Variants in SLC39A14 observed in about 807,000 individuals in gnomAD.
SLC39A14 encodes solute carrier family 39 member 14.
A neutral mutation model predicts 45.5 loss-of-function variants in SLC39A14; 19 were observed. The observed-to-expected ratio is 0.42, with a 90% CI of 0.29 to 0.61. The LOEUF (loss-of-function observed/expected upper bound fraction) is 0.61, where lower values mean the gene tolerates loss of function less well. Among genes scored for constraint, SLC39A14 ranks in the 20% least tolerant of loss-of-function variants. The pLI, the probability that SLC39A14 is intolerant of heterozygous loss-of-function variation, is 0.22. For missense variants in SLC39A14, 447 were observed against 616.5 expected (o/e 0.73, Z 2.91); for synonymous variants, 264 against 251.3 (o/e 1.05, Z -0.48).
intron 2 of SLC39A14, among the ~76,000 whole-genome samples, chr8:22,407,553 G>T (rs1019084215): frequency 1.9e-4 from 29 of 152,084 alleles, no homozygotes; most frequent in Non-Finnish European, 1.2e-4. Flanking sequence ...TAGAGATGGG[G>T]CTTCAACATG....
At position 22,419,621 on chromosome 8, in the gene SLC39A14, C is replaced by T; in HGVS notation, c.1402C>T (p.Gln468Ter). ...KGSILIPFII[Q>*]NLGLLTGFTI... ...CAGCATCTTGATTCCATTTATCATC[C>T]AGAACCTGGGCCTCCTGACTGGATT... The change falls in exon 9 of 9, where the codon CAG (glutamine) becomes TAG (stop). Residue 468 changes from glutamine (Q) to a stop codon, truncating the protein, a stop_gained. Coordinates refer to ENST00000381237, the MANE Select transcript of SLC39A14 (RefSeq NM_001128431.4). LOFTEE classifies it high-confidence loss of function. 1 of 1,614,128 alleles carries T rather than the reference C, an allele frequency of 6.2e-7. No homozygotes were observed. Among genetic ancestry groups the T allele is most frequent in the Non-Finnish European group, 8.5e-7 (1 of 1,180,004 alleles).
chr8:22,411,019 C>T (rs568201795), intron 3 of SLC39A14, among the ~76,000 whole-genome samples: 1 of 152,346 alleles, frequency 6.6e-6, no homozygotes, highest in South Asian at 2.1e-4. Context: ...CTTGCCTGTT[C>T]TTCCTGGTTG....
At chr8:22,390,716 T>C (rs1438552463) in intron 1 of SLC39A14, 1 of 152,484 alleles carries the variant, frequency 6.6e-6, no homozygotes, top group Non-Finnish European at 1.5e-5. Context: ...TTTTTAACTT[T>C]TTTTTTTTAA....
chr8:22,371,858 C>T (rs1002847008), intron 1 of SLC39A14, among the ~76,000 whole-genome samples: 3 of 151,640 alleles, frequency 2.0e-5, no homozygotes, highest in Admixed American at 6.6e-5. Context: ...CATTCTCCTG[C>T]CTCAGCTTCC....
At chr8:22,411,823 G>T (rs995774123) in intron 3 of SLC39A14, 18 of 554,770 alleles carry the variant, frequency 3.2e-5, no homozygotes, top group Admixed American at 1.2e-4. Flanking sequence ...AATTTCATCA[G>T]ATGTGAATCA....
At position 22,421,699 on chromosome 8, in the gene SLC39A14, G is replaced by A. The variant is rs1836238066; in HGVS notation, c.*2001G>A. Reference sequence around the variant, plus strand: ...TTGCTTTAACCTAACTCGCATTGATGTATTAAATTTATAATTTTAGCATTC... The same window carrying A: ...TTGCTTTAACCTAACTCGCATTGATATATTAAATTTATAATTTTAGCATTC... On this transcript the variant is annotated 3_prime_UTR_variant, in exon 9 of 9. Transcript: ENST00000381237. 3 of 984,460 alleles carry A rather than the reference G, an allele frequency of 3.0e-6. No homozygotes were observed. The allele number at this position is 984,460 out of a possible 1,614,324, so 61.0% of individuals were successfully genotyped here.
chr8:22,371,367 TA>T (rs928843309), intron 1 of SLC39A14, among the ~76,000 whole-genome samples: 1 of 131,040 alleles, frequency 7.6e-6, no homozygotes, highest in African/African-American at 2.6e-5. Flanking sequence ...TAGTAGTTAA[TA>T]AAAAAAATCA....
chr8:22,420,641 C>T lies in SLC39A14; in HGVS notation c.*943C>T, dbSNP rs1028667103. 60 of 985,424 alleles carry T rather than the reference C, an allele frequency of 6.1e-5. No individual in the cohort carries two copies. Among genetic ancestry groups the T allele is most frequent in the Non-Finnish European group, 7.2e-5 (60 of 829,936 alleles). The allele number at this position is 985,424 out of a possible 1,614,324, so 61.0% of individuals were successfully genotyped here. ...ACTATCCTCCCCCAGGTTGAGACGT[C>T]TGCAGAGTGGCAAGCTGACTTGTAG... is the stretch of plus-strand genomic sequence containing the variant. On this transcript the variant is annotated 3_prime_UTR_variant, in exon 9 of 9. Coordinates refer to ENST00000381237, the MANE Select transcript of SLC39A14 (RefSeq NM_001128431.4).
At position 22,420,642 on chromosome 8, in the gene SLC39A14, T is replaced by C; in HGVS notation, c.*944T>C. The C allele has an allele frequency of 2.0e-6, 2 of 985,416 alleles. No individual in the cohort carries two copies. The highest frequency in any genetic ancestry group is 2.4e-6 in the Non-Finnish European group (2 of 829,936). The allele number at this position is 985,416 out of a possible 1,614,324, so 61.0% of individuals were successfully genotyped here. ...CTATCCTCCCCCAGGTTGAGACGTCTGCAGAGTGGCAAGCTGACTTGTAGA... is the reference window on the plus strand; with the variant it reads ...CTATCCTCCCCCAGGTTGAGACGTCCGCAGAGTGGCAAGCTGACTTGTAGA... On this transcript the variant is annotated 3_prime_UTR_variant, in exon 9 of 9. Transcript: ENST00000381237.
At chr8:22,381,816 A>AT (rs1400427056) in intron 1 of SLC39A14, among the ~76,000 whole-genome samples, 2 of 152,212 alleles carry the variant, frequency 1.3e-5, no homozygotes, top group South Asian at 2.1e-4. Context: ...TAATAAACCA[A>AT]TAAAAAAAAC....
intron 8 of SLC39A14, among the ~76,000 whole-genome samples, chr8:22,418,880 T>C (rs7005505): frequency 0.34 from 51,578 of 151,948 alleles, 9,495 homozygotes; most frequent in East Asian, 0.6. Context: ...TTAAAGTCCA[T>C]AATAAGGCCA....
intron 1 of SLC39A14, among the ~76,000 whole-genome samples, chr8:22,402,119 C>T (rs1236627357): frequency 2.0e-5 from 3 of 152,110 alleles, no homozygotes; most frequent in South Asian, 2.1e-4. Context: ...CAGTAGCTCA[C>T]GCCTGTAATC....
In SLC39A14 at chr8:22,393,752, G is replaced by C. The variant is rs765098158; in HGVS notation, c.-15-10944G>C. ...GGTGGCACAGTCATAGCTCACTGCA[G>C]CCTCAAACTCCTGGGCTCAAGCAGT... is the stretch of plus-strand genomic sequence containing the variant. On this transcript the variant is annotated intron_variant, in intron 1 of 8. Coordinates refer to ENST00000381237, the MANE Select transcript of SLC39A14 (RefSeq NM_001128431.4). Among the ~76,000 whole-genome samples the C allele has an allele frequency of 6.1e-4, 92 of 151,890 alleles. 2 individuals carry two copies. Among genetic ancestry groups the C allele is most frequent in the Non-Finnish European group, 9.7e-4 (66 of 67,946 alleles).
chr8:22,381,903 G>A (rs1833534316), intron 1 of SLC39A14, among the ~76,000 whole-genome samples: 1 of 152,330 alleles, frequency 6.6e-6, no homozygotes, highest in South Asian at 2.1e-4. Flanking sequence ...CACTTTGGGA[G>A]ACCGAGGCAG....
At chr8:22,424,253 A>G (rs1586760862), downstream of SLC39A14, among the ~76,000 whole-genome samples, 1 of 152,210 alleles carries the variant, frequency 6.6e-6, no homozygotes, top group Admixed American at 6.5e-5. Flanking sequence ...TATATCTTAC[A>G]GGGAAAAGTC....
In SLC39A14 at chr8:22,403,241, G is replaced by T. The variant is rs893403267; in HGVS notation, c.-15-1455G>T. Among the ~76,000 whole-genome samples, 4 of 151,972 alleles carry T rather than the reference G, an allele frequency of 2.6e-5. 1 individual carries two copies. The highest frequency in any genetic ancestry group is 2.9e-5 in the Non-Finnish European group (2 of 68,020). On this transcript the variant is annotated intron_variant, in intron 1 of 8. Transcript: ENST00000381237. Reference sequence around the variant, plus strand: ...CCTGCCTGCCTTGGCCTCCCAAAGTGCTGGGATTACAGGCATGAGCCACTG... The same window carrying T: ...CCTGCCTGCCTTGGCCTCCCAAAGTTCTGGGATTACAGGCATGAGCCACTG...
At chr8:22,430,099 A>G (rs1836444602) in intron 8 of SLC39A14, among the ~76,000 whole-genome samples, 1 of 152,224 alleles carries the variant, frequency 6.6e-6, no homozygotes, top group African/African-American at 2.4e-5. Context: ...CTCAAAGTTG[A>G]CAGGAGTCAG....
At chr8:22,425,704 T>C (rs1836372489), downstream of SLC39A14, among the ~76,000 whole-genome samples, 1 of 152,148 alleles carries the variant, frequency 6.6e-6, no homozygotes, top group Non-Finnish European at 1.5e-5. Flanking sequence ...TTTTTGTTTT[T>C]GTTTTTGTTT....
intron 4 of SLC39A14, among the ~76,000 whole-genome samples, chr8:22,413,727 T>C (rs1299228204): frequency 3.3e-5 from 5 of 152,168 alleles, no homozygotes; most frequent in Non-Finnish European, 1.5e-5. Context: ...ATACTTCCTA[T>C]GTACCCACAA....
Sources: allele counts gnomAD v4.1 joint callset (sites outside exome capture counted in the v4.1 genomes callset), GRCh38; gene constraint gnomAD v4.1.1; transcripts MANE v1.5; gene names NCBI Gene and HGNC (gene_info 2026-07-23, HGNC 2026-07-21).